The following TRAPPC9 variants were observed in gnomAD, a reference collection of about 807,000 sequenced individuals.
The protein encoded by TRAPPC9 is IKK2 binding protein.
A neutral mutation model predicts 124.0 loss-of-function variants in TRAPPC9; 83 were observed. The observed-to-expected ratio is 0.67, with a 90% CI of 0.56 to 0.80. TRAPPC9 has a LOEUF of 0.80. TRAPPC9 is among the 30% of genes least tolerant of loss of function. TRAPPC9 has a pLI of 0.00. For missense variants in TRAPPC9, 1,302 were observed against 1,508.3 expected (o/e 0.86, Z 2.27); for synonymous variants, 638 against 617.5 (o/e 1.03, Z -0.49).
chr8:140,342,767 AATATATATAC>A (rs1271502617), intron 9 of TRAPPC9, among the ~76,000 whole-genome samples: 1 of 152,230 alleles, frequency 6.6e-6, no homozygotes, highest in Non-Finnish European at 1.5e-5. Context: ...AAAAATAGGA[AATATATATAC>A]ATATATCCTT....
intron 9 of TRAPPC9, among the ~76,000 whole-genome samples, chr8:140,328,249 C>T (rs1039110158): frequency 1.3e-5 from 2 of 151,688 alleles, no homozygotes; most frequent in Non-Finnish European, 2.9e-5. Context: ...AGCGAAAGTC[C>T]GTCTCAAAAA....
chr8:139,804,770 A>ACCACCACCAAGCACCACCG (rs1230557239), intron 21 of TRAPPC9, among the ~76,000 whole-genome samples: 3 of 144,156 alleles, frequency 2.1e-5, no homozygotes, highest in Admixed American at 1.4e-4. Context: ...ACTACCCACC[A>ACCACCACCAAGCACCACCG]CCACCACCAA....
intron 17 of TRAPPC9, among the ~76,000 whole-genome samples, chr8:140,121,909 T>C (rs990881110): frequency 6.6e-6 from 1 of 152,128 alleles, no homozygotes; most frequent in South Asian, 2.1e-4. Context: ...TGTGGGTGGG[T>C]CCTGTGACTT....
At chr8:140,003,362 G>A (rs975937968) in intron 18 of TRAPPC9, among the ~76,000 whole-genome samples, 1 of 152,070 alleles carries the variant, frequency 6.6e-6, no homozygotes, top group African/African-American at 2.4e-5. Flanking sequence ...ATCACCTGAG[G>A]TCAGGAGTTT....
intron 2 of TRAPPC9, among the ~76,000 whole-genome samples, chr8:140,439,803 C>T (rs1316965937): frequency 6.6e-6 from 1 of 152,066 alleles, no homozygotes; most frequent in Non-Finnish European, 1.5e-5. Flanking sequence ...CCAAAGTATT[C>T]CTTTTATCAT....
At chr8:140,068,180 C>T (rs746958778) in intron 17 of TRAPPC9, among the ~76,000 whole-genome samples, 1 of 152,066 alleles carries the variant, frequency 6.6e-6, no homozygotes. Context: ...ATGCGTGCCA[C>T]CCAGTAATAG....
At chr8:139,811,681 A>C (rs566407668) in intron 21 of TRAPPC9, among the ~76,000 whole-genome samples, 2 of 152,372 alleles carry the variant, frequency 1.3e-5, no homozygotes, top group Non-Finnish European at 2.9e-5. Context: ...TTGGAAGCTA[A>C]GAAATGAGAG....
At chr8:139,963,776 A>C (rs925791983) in intron 19 of TRAPPC9, among the ~76,000 whole-genome samples, 8 of 109,154 alleles carry the variant, frequency 7.3e-5, no homozygotes, top group Admixed American at 2.7e-4. Flanking sequence ...AAAAAAAAAA[A>C]ACAACTACAG....
At chr8:140,021,034 A>G (rs913671907) in intron 18 of TRAPPC9, among the ~76,000 whole-genome samples, 1 of 152,154 alleles carries the variant, frequency 6.6e-6, no homozygotes, top group Non-Finnish European at 1.5e-5. Context: ...GGTAGTTGGC[A>G]TCTTACTTTC....
At chr8:139,932,182 C>T in intron 19 of TRAPPC9, 1 of 396,406 alleles carries the variant, frequency 2.5e-6, no homozygotes, top group Admixed American at 2.7e-5. Context: ...CAGGGAGGAA[C>T]AAGGAGAAAC....
chr8:140,184,770 G>GA (rs1398746892), intron 17 of TRAPPC9, among the ~76,000 whole-genome samples: 2 of 151,986 alleles, frequency 1.3e-5, no homozygotes, highest in East Asian at 1.9e-4. Context: ...CACATATACA[G>GA]AAAATCACAC....
At chr8:140,233,549 C>CCTCTCTCTCTCACACACACACTTCCTCT (rs1325935880) in intron 16 of TRAPPC9, among the ~76,000 whole-genome samples, 1 of 148,910 alleles carries the variant, frequency 6.7e-6, no homozygotes, top group Non-Finnish European at 1.5e-5. Flanking sequence ...TCCCTCCCTT[C>CCTCTCTCTCTCACACACACACTTCCTCT]CTCTCTCTCT....
At chr8:139,812,606 A>G (rs565209132) in intron 21 of TRAPPC9, among the ~76,000 whole-genome samples, 10 of 152,366 alleles carry the variant, frequency 6.6e-5, no homozygotes, top group African/African-American at 2.4e-4. Flanking sequence ...TCACATGTAT[A>G]TATCACTTAA....
At chr8:139,841,948 T>C (rs1213271986) in intron 21 of TRAPPC9, among the ~76,000 whole-genome samples, 2 of 152,160 alleles carry the variant, frequency 1.3e-5, no homozygotes, top group African/African-American at 4.8e-5. Context: ...GCTGGGGACC[T>C]GGGGTGGAGA....
chr8:139,879,308 T>C (rs1157124607), intron 21 of TRAPPC9, among the ~76,000 whole-genome samples: 1 of 152,082 alleles, frequency 6.6e-6, no homozygotes, highest in Non-Finnish European at 1.5e-5. Flanking sequence ...CTGCGCGGGA[T>C]GGGAGGGGAG....
rs543845665 is a variant in TRAPPC9 at position 139,844,439 on chromosome 8, G to A, written c.3055+41440C>T. On this transcript the variant is annotated intron_variant, in intron 21 of 22. Transcript: ENST00000438773. ...GAGAAGGATGAGGCTTTTCTATTTC[G>A]TCAAGACGTTCCTTCCCTGCTCTTT... Among the ~76,000 whole-genome samples, 4 of 152,306 alleles carry A rather than the reference G, an allele frequency of 2.6e-5. 1 individual carries two copies. Among genetic ancestry groups the A allele is most frequent in the South Asian group, 4.1e-4 (2 of 4,832 alleles).
chr8:140,275,850 GA>G (rs1461293572), intron 14 of TRAPPC9, 29 bp from the exon 15 acceptor site: 1 of 1,586,908 alleles, frequency 6.3e-7, no homozygotes, highest in Admixed American at 1.7e-5. Flanking sequence ...ATTTAAAGAA[GA>G]AAGAAGGAAG....
chr8:139,973,426 C>T (rs1446376888), intron 19 of TRAPPC9, among the ~76,000 whole-genome samples: 1 of 147,854 alleles, frequency 6.8e-6, no homozygotes, highest in Non-Finnish European at 1.5e-5. Flanking sequence ...GTGGCACCCA[C>T]CCTGCCTTAG....
intron 21 of TRAPPC9, among the ~76,000 whole-genome samples, chr8:139,822,626 G>GC (rs113229080): frequency 6.6e-6 from 1 of 152,086 alleles, no homozygotes. Context: ...TAGGATGGCG[G>GC]GGGGGGGCTG....
Sources: allele counts gnomAD v4.1 joint callset (sites outside exome capture counted in the v4.1 genomes callset), GRCh38; gene constraint gnomAD v4.1.1; transcripts MANE v1.5; gene names NCBI Gene and HGNC (gene_info 2026-07-23, HGNC 2026-07-21).